TGFBR3: variants seen among roughly 807,000 people sequenced by gnomAD.
TGFBR3 encodes transforming growth factor beta receptor type 3.
TGFBR3 carries 46 observed loss-of-function variants against 87.9 expected under a neutral mutation model. That is an observed-to-expected ratio of 0.52 (90% CI 0.41 to 0.67). The LOEUF (loss-of-function observed/expected upper bound fraction) is 0.67, where lower values mean the gene tolerates loss of function less well. TGFBR3 is among the 30% of genes least tolerant of loss of function. The pLI, the probability that TGFBR3 is intolerant of heterozygous loss-of-function variation, is 0.00. For synonymous variants in TGFBR3, 381 were observed against 391.6 expected, an observed-to-expected ratio of 0.97 and a Z score of 0.32; for missense variants, 866 against 1,041.9, an observed-to-expected ratio of 0.83 and a Z score of 2.32.
chr1:91,861,857 CTT>C (rs11414154), intron 1 of TGFBR3: 3,538 of 246,996 alleles, frequency 0.014, no homozygotes, highest in East Asian at 0.049. Flanking sequence ...TTGTTATTGG[CTT>C]TTTTTTTTTT....
In TGFBR3 at chr1:91,886,034, T is replaced by G. The variant is rs767147180; in HGVS notation, c.-270A>C. 6.6e-6 allele frequency: 3 copies of G among 453,826 alleles called. No homozygotes were observed. Among genetic ancestry groups the G allele is most frequent in the African/African-American group, 4.0e-5 (2 of 49,982 alleles). The allele number at this position is 453,826 out of a possible 1,614,324, so 28.1% of individuals were successfully genotyped here. On this transcript the variant is annotated 5_prime_UTR_variant, in exon 1 of 17. Transcript: ENST00000212355. ...GGACCCGCTGGGGACTCTCACCTCC[T>G]GCAGGGAGCTCCGGGAATCGCGCAG...
intron 2 of TGFBR3, among the ~76,000 whole-genome samples, chr1:91,827,238 C>A (rs894119480): frequency 9.9e-5 from 15 of 152,130 alleles, no homozygotes; most frequent in African/African-American, 3.6e-4. Context: ...GCAACGATCA[C>A]AACAACAGAA....
At chr1:91,870,257 A>G (rs1000596331) in intron 1 of TGFBR3, among the ~76,000 whole-genome samples, 2 of 152,190 alleles carry the variant, frequency 1.3e-5, no homozygotes, top group African/African-American at 2.4e-5. Context: ...ATTCCAAAAG[A>G]GACTTCTGAT....
intron 5 of TGFBR3, among the ~76,000 whole-genome samples, chr1:91,730,200 T>C (rs920292383): frequency 6.6e-6 from 1 of 152,178 alleles, no homozygotes; most frequent in Non-Finnish European, 1.5e-5. Context: ...CTCTTTTGGC[T>C]AAATCTTCTC....
At chr1:91,840,420 CAT>C (rs1677225974) in intron 2 of TGFBR3, among the ~76,000 whole-genome samples, 6 of 147,610 alleles carry the variant, frequency 4.1e-5, no homozygotes, top group African/African-American at 1.5e-4. Flanking sequence ...TTTGTAATAT[CAT>C]GCATGATTTT....
rs551532791 is a variant in TGFBR3, at chr1:91,904,037, C to T, written c.-175+1789G>A. 6.2e-4 allele frequency among the ~76,000 whole-genome samples: 94 copies of T among 152,124 alleles called. 2 individuals are homozygous for T. The highest frequency in any genetic ancestry group is 2.1e-3 in the African/African-American group (89 of 41,532). On this transcript the variant is annotated intron_variant, in intron 1 of 17. Coordinates refer to the TGFBR3 transcript ENST00000370399. ...AAAAATACAAAAAAAATTAGCCAGG[C>T]CTGGTGGCGCGTTCCTATAATCTGT...
chr1:91,710,353 T>C (rs976406936), intron 13 of TGFBR3, among the ~76,000 whole-genome samples: 2 of 152,212 alleles, frequency 1.3e-5, no homozygotes, highest in Admixed American at 6.5e-5. Flanking sequence ...GCATGATGAC[T>C]GAAAAGAGTT....
At chr1:91,850,150 C>G (rs1020233125) in intron 2 of TGFBR3, among the ~76,000 whole-genome samples, 2 of 151,420 alleles carry the variant, frequency 1.3e-5, no homozygotes, top group Non-Finnish European at 2.9e-5. Context: ...TGCACTAACC[C>G]CAAAGTCTCT....
At chr1:91,872,772 G>A (rs537715096) in intron 1 of TGFBR3, among the ~76,000 whole-genome samples, 3 of 152,256 alleles carry the variant, frequency 2.0e-5, no homozygotes, top group South Asian at 2.1e-4. Context: ...GAGAGAAACC[G>A]CAGCAAGCCC....
At position 91,874,651 on chromosome 1, in the gene TGFBR3, CCAT is replaced by C. The variant is rs531738036; in HGVS notation, c.-114+11224_-114+11226del. Among the ~76,000 whole-genome samples the C allele has an allele frequency of 1.4e-4, 21 of 152,230 alleles. No individual in the cohort carries two copies. The South Asian group carries it at 4.4e-3, about 32-fold the overall frequency. On this transcript the variant is annotated intron_variant, in intron 1 of 16. Transcript: ENST00000212355. Reference sequence around the variant, plus strand: ...TAGCTGGGATTACAGGCGCCCACCACCATGCCAGGCTAATTTTTTTTTTAGTAG... The same window carrying C: ...TAGCTGGGATTACAGGCGCCCACCACGCCAGGCTAATTTTTTTTTTAGTAG...
chr1:91,876,874 A>G (rs1678831442), intron 1 of TGFBR3, among the ~76,000 whole-genome samples: 1 of 152,078 alleles, frequency 6.6e-6, no homozygotes, highest in South Asian at 2.1e-4. Context: ...ATGTGTGTCT[A>G]CAGTCCTTTC....
intron 3 of TGFBR3, among the ~76,000 whole-genome samples, chr1:91,786,751 C>CA (rs11451314): frequency 0.11 from 16,377 of 142,492 alleles, 1,214 homozygotes; most frequent in African/African-American, 0.22. Context: ...ACTGTGTCTC[C>CA]AAAAAAAAAG....
At chr1:91,816,368 A>G (rs1400827711) in intron 2 of TGFBR3, among the ~76,000 whole-genome samples, 1 of 152,242 alleles carries the variant, frequency 6.6e-6, no homozygotes, top group African/African-American at 2.4e-5. Flanking sequence ...AAAGATTACC[A>G]AAACATCTAT....
Position 91,780,932 on chromosome 1 carries a change from C to CAG in TGFBR3, c.246+16353_246+16354dup, listed in dbSNP as rs762269951. Among the ~76,000 whole-genome samples the CAG allele has an allele frequency of 4.9e-4, 64 of 130,856 alleles. No homozygotes were observed. The South Asian group carries it at 5.6e-3, about 11-fold the overall frequency. The allele number at this position is 130,856 out of a possible 152,430, so 85.8% of individuals were successfully genotyped here. A position where few individuals can be genotyped will look rare whatever the true frequency, so the allele number is the denominator to read the frequency against. On this transcript the variant is annotated intron_variant, in intron 3 of 16. Transcript: ENST00000212355. ...ACACACACACACACACACACACACA[C>CAG]AGAGATCTCATCTCCTGGCATTTGA...
intron 5 of TGFBR3, among the ~76,000 whole-genome samples, chr1:91,733,807 G>A (rs1672857592): frequency 6.6e-6 from 1 of 152,122 alleles, no homozygotes; most frequent in African/African-American, 2.4e-5. Context: ...GAGAACAAGG[G>A]AGGAGGATCT....
In TGFBR3 at chr1:91,721,944, T is replaced by C; in HGVS notation, c.1075+11A>G. 1 of 1,612,240 alleles carries C rather than the reference T, an allele frequency of 6.2e-7. No individual in the cohort carries two copies. The highest frequency in any genetic ancestry group is 8.5e-7 in the Non-Finnish European group (1 of 1,179,078). On this transcript the variant is annotated intron_variant, in intron 8 of 16. Coordinates refer to ENST00000212355, the MANE Select transcript of TGFBR3 (RefSeq NM_003243.5). ...GTATTTTTTACATAACTTAAAAAAC[T>C]TCTAACTTACCATTATTTTCAAGCC...
intron 14 of TGFBR3, among the ~76,000 whole-genome samples, chr1:91,706,428 T>C (rs1339602544): frequency 6.6e-6 from 1 of 152,172 alleles, no homozygotes; most frequent in Non-Finnish European, 1.5e-5. Flanking sequence ...CTAAGTATAA[T>C]ACATTAGCAT....
intron 1 of TGFBR3, among the ~76,000 whole-genome samples, chr1:91,864,867 C>T (rs2101210584): frequency 6.6e-6 from 1 of 152,194 alleles, no homozygotes; most frequent in East Asian, 1.9e-4. Context: ...TTTTTGACCT[C>T]AAAGAATCTC....
At chr1:91,852,039 A>G (rs1677755287) in intron 2 of TGFBR3, among the ~76,000 whole-genome samples, 1 of 152,146 alleles carries the variant, frequency 6.6e-6, no homozygotes, top group African/African-American at 2.4e-5. Flanking sequence ...TGCTTAGCTC[A>G]AGAGTTTGAG....
Sources: allele counts gnomAD v4.1 joint callset (sites outside exome capture counted in the v4.1 genomes callset), GRCh38; gene constraint gnomAD v4.1.1; transcripts MANE v1.5; gene names NCBI Gene and HGNC (gene_info 2026-07-23, HGNC 2026-07-21).